MMUT: variants seen among roughly 807,000 people sequenced by gnomAD.
The protein encoded by MMUT is methylmalonyl-CoA mutase.
In MMUT, 79 loss-of-function variants were observed where a neutral mutation model predicts 79.9. That is an observed-to-expected ratio of 0.99 (90% CI 0.82 to 1.19). The LOEUF (loss-of-function observed/expected upper bound fraction) is 1.19. MMUT is among the 50% of genes most tolerant of loss of function. The pLI, the probability that MMUT is intolerant of heterozygous loss-of-function variation, is 0.00. For synonymous variants in MMUT, 273 were observed against 295.7 expected, an observed-to-expected ratio of 0.92 and a Z score of 0.79; for missense variants, 860 against 917.2, an observed-to-expected ratio of 0.94 and a Z score of 0.81.
chr6:49,451,387 G>T (rs542576532), intron 6 of MMUT, 79 bp downstream of exon 6: 2 of 1,451,088 alleles, frequency 1.4e-6, no homozygotes, highest in South Asian at 1.3e-5. Flanking sequence ...TATAAATCTT[G>T]ACTTGTAAGT....
In MMUT at chr6:49,455,133, A is replaced by AAT. The variant is rs573545747; in HGVS notation, c.911+945_911+946dup. On this transcript the variant is annotated intron_variant, in intron 4 of 12. Coordinates refer to ENST00000274813, the MANE Select transcript of MMUT (RefSeq NM_000255.4). ...GAAAAATAAGTATGCTTCTTAAAAA[A>AAT]ATATATATATATATAATAAAAGCAT... Among the ~76,000 whole-genome samples the AAT allele has an allele frequency of 7.4e-3, 1,121 of 150,948 alleles. 5 individuals carry two copies. The highest frequency in any genetic ancestry group is 0.01 in the Middle Eastern group (3 of 292).
rs150841850 is a variant in MMUT, at chr6:49,459,226, A to T, written c.241T>A (p.Leu81Ile). The change falls in exon 2 of 13, where the codon TTA (leucine) becomes ATA (isoleucine). Residue 81 changes from leucine (L) to isoleucine (I), a missense_variant. Leu to Ile is a conservative substitution (Grantham distance 5, BLOSUM62 2). Coordinates refer to ENST00000274813, the MANE Select transcript of MMUT (RefSeq NM_000255.4). ...TTCACTCCTGGAAGTTCTTCAGGTA[A>T]GTCCATAGTATCTCTCTTGGAATAC... ...PLYSKRDTMD[L>I]PEELPGVKPF... 23 of 1,614,026 alleles carry T rather than the reference A, an allele frequency of 1.4e-5. No individual in the cohort carries two copies. The highest frequency in any genetic ancestry group is 1.9e-5 in the Non-Finnish European group (22 of 1,180,028).
chr6:49,453,618 G>C lies in MMUT; in HGVS notation c.1050C>G (p.His350Gln). ...KNSKSLLLRAHCQTSGWSLTE... is the reference protein window; with the variant it reads ...KNSKSLLLRAQCQTSGWSLTE... The stretch of plus-strand genomic sequence containing the variant: ...TAAGTGACCATCCAGATGTCTGACA[G>C]TGTGCTCTTAGAAGAAGAGATTTTG... Residue 350 changes from histidine (H) to glutamine (Q), a missense_variant, in exon 5 of 13, where the codon CAC (histidine) becomes CAG (glutamine). His to Gln is a conservative substitution (Grantham distance 24). Transcript: ENST00000274813. The C allele has an allele frequency of 6.2e-7, 1 of 1,612,300 alleles. No homozygotes were observed. Among genetic ancestry groups the C allele is most frequent in the East Asian group, 2.2e-5 (1 of 44,746 alleles).
intron 4 of MMUT, among the ~76,000 whole-genome samples, chr6:49,455,096 A>C (rs1208537539): frequency 1.3e-5 from 2 of 152,100 alleles, no homozygotes; most frequent in Non-Finnish European, 2.9e-5. Flanking sequence ...TAACATTAGT[A>C]ACATTTCTTA....
chr6:49,441,245 A>T (rs966208111), intron 10 of MMUT, among the ~76,000 whole-genome samples: 1 of 152,310 alleles, frequency 6.6e-6, no homozygotes, highest in Non-Finnish European at 1.5e-5. Flanking sequence ...TGCTGTGGAA[A>T]TAAATGTAAG....
At position 49,458,040 on chromosome 6, in the gene MMUT, G is replaced by A; in HGVS notation, c.404C>T (p.Ser135Leu). 6.2e-7 allele frequency: 1 copy of A among 1,601,310 alleles called. No homozygotes were observed. Among genetic ancestry groups the A allele is most frequent in the Non-Finnish European group, 8.5e-7 (1 of 1,179,840 alleles). Residue 135 changes from serine (S) to leucine (L), a missense_variant, in exon 3 of 13, where the codon TCA becomes TTA. Transcript: ENST00000274813. Reference protein sequence around the residue: ...DNIKAGQQGLSVAFDLATHRG... With the variant: ...DNIKAGQQGLLVAFDLATHRG... ...ATGTGTCGCCAGATCAAAGGCAACTGATAATCCCTGCTGACCAGCTAAATA... is the reference window on the plus strand; with the variant it reads ...ATGTGTCGCCAGATCAAAGGCAACTAATAATCCCTGCTGACCAGCTAAATA...
At chr6:49,447,638 T>TAAAA (rs56408395) in intron 8 of MMUT, 32 bp downstream of exon 8, 103 of 1,074,716 alleles carry the variant, frequency 9.6e-5, no homozygotes, top group African/African-American at 2.5e-4. Context: ...AGAAAATACT[T>TAAAA]AAAAAAAAAA....
intron 6 of MMUT, 139 bp from the exon 7 acceptor site, chr6:49,449,066 T>C (rs1332612506): frequency 8.0e-6 from 4 of 502,306 alleles, no homozygotes; most frequent in Admixed American, 7.3e-5. Context: ...AAGAACAGAA[T>C]TAAATAAACA....
chr6:49,445,827 C>G (rs1767398280), intron 8 of MMUT, among the ~76,000 whole-genome samples: 1 of 151,800 alleles, frequency 6.6e-6, no homozygotes, highest in Admixed American at 6.6e-5. Context: ...ATATTTAGAG[C>G]AAGAAAAAAC....
intron 11 of MMUT, among the ~76,000 whole-genome samples, chr6:49,436,421 C>G (rs969118390): frequency 2.0e-5 from 3 of 151,872 alleles, no homozygotes; most frequent in African/African-American, 7.3e-5. Context: ...GCCTGGCCAA[C>G]ATGGTGAAAC....
chr6:49,432,047 C>G (rs1766993460), intron 12 of MMUT, among the ~76,000 whole-genome samples, 191 bp from the exon 13 acceptor site: 1 of 152,088 alleles, frequency 6.6e-6, no homozygotes, highest in Non-Finnish European at 1.5e-5. Context: ...GCCTCCCAGC[C>G]CAAGTTATTT....
At chr6:49,449,364 T>C (rs1426948647) in intron 6 of MMUT, among the ~76,000 whole-genome samples, 1 of 152,162 alleles carries the variant, frequency 6.6e-6, no homozygotes, top group African/African-American at 2.4e-5. Context: ...GCTTCATATA[T>C]GAAGGCAGAA....
intron 11 of MMUT, among the ~76,000 whole-genome samples, chr6:49,439,815 G>A (rs958282132): frequency 6.6e-6 from 1 of 152,196 alleles, no homozygotes; most frequent in Non-Finnish European, 1.5e-5. Context: ...GCATGCAACT[G>A]TCTCACCAAT....
intron 6 of MMUT, 150 bp downstream of exon 6, chr6:49,451,316 G>T: frequency 1.2e-6 from 1 of 855,994 alleles, no homozygotes; most frequent in Non-Finnish European, 1.7e-6. Context: ...AATTTTTTTT[G>T]CAAACATCGT....
chr6:49,453,805 G>A (rs1767619835), intron 4 of MMUT, 49 bp from the exon 5 acceptor site: 1 of 1,484,004 alleles, frequency 6.7e-7, no homozygotes, highest in African/African-American at 1.4e-5. Context: ...TAACAATATA[G>A]AGCAGAAAAT....
At position 49,431,781 on chromosome 6, in the gene MMUT, G is replaced by A. The variant is rs879253852; in HGVS notation, c.2200C>T (p.Gln734Ter). Residue 734 changes from glutamine (Q) to a stop codon, truncating the protein, a stop_gained, in exon 13 of 13, where the codon CAG becomes TAG. Coordinates refer to ENST00000274813, the MANE Select transcript of MMUT (RefSeq NM_000255.4). LOFTEE classifies it high-confidence loss of function. Reference protein sequence around the residue: ...PGTRIPKAAVQVLDDIEKCLE... With the variant: ...PGTRIPKAAV ...CACTTCTCAATATCATCAAGCACCT[G>A]AACGGCAGCCTTTGGAATTCGAGTC... The A allele has an allele frequency of 6.2e-7, 1 of 1,613,940 alleles. No homozygotes were observed. The highest frequency in any genetic ancestry group is 8.5e-7 in the Non-Finnish European group (1 of 1,179,900).
chr6:49,454,317 T>TA (rs1767633557), intron 4 of MMUT, among the ~76,000 whole-genome samples: 1 of 152,200 alleles, frequency 6.6e-6, no homozygotes, highest in Non-Finnish European at 1.5e-5. Flanking sequence ...TTTTGGAAGT[T>TA]CTTTTTTTGA....
intron 6 of MMUT, 35 bp downstream of exon 6, chr6:49,451,431 T>G (rs779960361): frequency 6.2e-7 from 1 of 1,608,248 alleles, no homozygotes; most frequent in Non-Finnish European, 8.5e-7. Context: ...AATCTGTAAA[T>G]TCTGAAAACA....
At chr6:49,445,185 GATAA>G (rs1767380985) in intron 8 of MMUT, among the ~76,000 whole-genome samples, 1 of 151,938 alleles carries the variant, frequency 6.6e-6, no homozygotes, top group Non-Finnish European at 1.5e-5. Context: ...GTTTCCTTTA[GATAA>G]ATAACAATGT....
Sources: allele counts gnomAD v4.1 joint callset (sites outside exome capture counted in the v4.1 genomes callset), GRCh38; gene constraint gnomAD v4.1.1; transcripts MANE v1.5; gene names NCBI Gene and HGNC (gene_info 2026-07-23, HGNC 2026-07-21).